Variants in ABCG2 observed in about 807,000 individuals in gnomAD.
ABCG2 encodes ATP binding cassette subfamily G member 2 (JR blood group), also known as broad substrate specificity ATP-binding cassette transporter ABCG2.
In ABCG2, 80 loss-of-function variants were observed where a neutral mutation model predicts 73.5. The ratio of observed to expected loss-of-function variants is 1.09; its 90% CI spans 0.91 to 1.31. The LOEUF (loss-of-function observed/expected upper bound fraction) is 1.31, where lower values mean the gene tolerates loss of function less well. Among genes scored for constraint, ABCG2 ranks in the 50% most tolerant of loss-of-function variants. ABCG2 has a pLI of 0.00. For missense variants in ABCG2, 796 were observed against 786.2 expected, an observed-to-expected ratio of 1.01 and a Z score of -0.15; for synonymous variants, 269 against 282.4, an observed-to-expected ratio of 0.95 and a Z score of 0.48.
At position 88,158,477 on chromosome 4, in the gene ABCG2, G is replaced by A. The variant is rs1201964734; in HGVS notation, c.-111C>T. 10 of 456,086 alleles carry A rather than the reference G, an allele frequency of 2.2e-5. No homozygotes were observed. The East Asian group carries it at 5.6e-4, about 25-fold the overall frequency. The allele number at this position is 456,086 out of a possible 1,614,324, so 28.3% of individuals were successfully genotyped here. ...CGCTTTAACAATTAAGGATGTAAAT[G>A]TTGGGATGAGTCACCCGGACCTTCC... On this transcript the variant is annotated 5_prime_UTR_variant, in exon 1 of 16. Transcript: ENST00000237612.
chr4:88,119,040 C>G (rs1723782450), intron 6 of ABCG2, among the ~76,000 whole-genome samples: 1 of 152,172 alleles, frequency 6.6e-6, no homozygotes, highest in African/African-American at 2.4e-5. Context: ...TCAATTGTAA[C>G]AATCCCCACA....
chr4:88,167,984 G>A (rs575708404), intron 1 of ABCG2, among the ~76,000 whole-genome samples: 19 of 150,432 alleles, frequency 1.3e-4, no homozygotes, highest in African/African-American at 3.4e-4. Context: ...TTGGAGAGAC[G>A]AGAAATGTCA....
chr4:88,121,691 C>T lies in ABCG2; in HGVS notation c.633G>A (p.Glu211=). ...ITDPSILFLD[E]PTTGLDSSTA... ...TGCTTGAGTCTAAGCCAGTTGTAGG[C>T]TCATCCAAGAACAAGATGGAAGGAT... The change falls in exon 6 of 16, where the codon GAG becomes GAA. Residue 211 remains glutamate (E), a synonymous_variant. Transcript: ENST00000237612. The T allele has an allele frequency of 6.2e-7, 1 of 1,614,104 alleles. No homozygotes were observed. Among genetic ancestry groups the T allele is most frequent in the Non-Finnish European group, 8.5e-7 (1 of 1,179,986 alleles).
intron 1 of ABCG2, among the ~76,000 whole-genome samples, chr4:88,190,339 A>C (rs1728637224): frequency 6.6e-6 from 1 of 152,184 alleles, no homozygotes; most frequent in Non-Finnish European, 1.5e-5. Context: ...TGAACTCATC[A>C]GTCCCTAATC....
At chr4:88,194,549 C>CAAAAAAAAAA (rs58945293) in intron 1 of ABCG2, among the ~76,000 whole-genome samples, 9 of 52,592 alleles carry the variant, frequency 1.7e-4, no homozygotes, top group Admixed American at 3.4e-4. Flanking sequence ...GACTCCGTCT[C>CAAAAAAAAAA]AAAAAAAAAA....
intron 5 of ABCG2, among the ~76,000 whole-genome samples, chr4:88,127,184 G>A (rs1724482722): frequency 1.3e-5 from 2 of 152,102 alleles, no homozygotes; most frequent in South Asian, 4.1e-4. Context: ...TTGGTACAAA[G>A]AGAATAAAAT....
rs1313555596 is a variant in ABCG2 at position 88,181,381 on chromosome 4, AGAGC to A, written c.-19-41371_-19-41368del. On this transcript the variant is annotated intron_variant, in intron 1 of 15. Coordinates refer to the ABCG2 transcript ENST00000515655. ...TGCCACTGCACTCCAGCCTGGTGAC[AGAGC>A]AAGACTCCATCTCAAAAAAAAAAAA... Among the ~76,000 whole-genome samples, 4 of 134,740 alleles carry A rather than the reference AGAGC, an allele frequency of 3.0e-5. No individual in the cohort carries two copies. In the South Asian group the frequency reaches 7.7e-4, roughly 26 times the overall value. 88.4% of individuals were successfully genotyped at this position (134,740 alleles called of 152,430 possible).
intron 1 of ABCG2, among the ~76,000 whole-genome samples, chr4:88,180,536 A>C (rs1211384798): frequency 1.3e-5 from 2 of 152,116 alleles, no homozygotes; most frequent in Non-Finnish European, 2.9e-5. Flanking sequence ...GGAGTTCAAG[A>C]CCAGCCTGGA....
At chr4:88,155,143 T>C (rs1340709378) in intron 1 of ABCG2, among the ~76,000 whole-genome samples, 5 of 152,056 alleles carry the variant, frequency 3.3e-5, no homozygotes, top group South Asian at 2.1e-4. Flanking sequence ...TTAGGATCTA[T>C]GGGGTCAGCT....
chr4:88,117,594 G>A (rs903130562), intron 7 of ABCG2, among the ~76,000 whole-genome samples: 21 of 152,100 alleles, frequency 1.4e-4, no homozygotes, highest in African/African-American at 3.6e-4. Context: ...CCAAGATCAC[G>A]TCACTGCACT....
intron 1 of ABCG2, among the ~76,000 whole-genome samples, chr4:88,210,595 C>CTT (rs11461199): frequency 0.42 from 61,677 of 146,154 alleles, 14,214 homozygotes; most frequent in East Asian, 0.67. Flanking sequence ...TTTTTCTTTT[C>CTT]TTTTTTTTTT....
intron 7 of ABCG2, among the ~76,000 whole-genome samples, chr4:88,116,101 A>T (rs561068086): frequency 1.3e-5 from 2 of 152,204 alleles, no homozygotes; most frequent in South Asian, 4.1e-4. Flanking sequence ...AGGCTGAGGC[A>T]CAAGAATTGC....
intron 1 of ABCG2, among the ~76,000 whole-genome samples, chr4:88,211,360 C>CG (rs1729585583): frequency 1.7e-5 from 1 of 58,446 alleles, no homozygotes; most frequent in South Asian, 8.4e-4. Context: ...CAACCCCTGC[C>CG]CCACCCCCCC....
chr4:88,177,698 G>A (rs1162372204), intron 1 of ABCG2, among the ~76,000 whole-genome samples: 1 of 152,154 alleles, frequency 6.6e-6, no homozygotes, highest in African/African-American at 2.4e-5. Context: ...TTGAATTGCG[G>A]ACACCACCCC....
intron 1 of ABCG2, among the ~76,000 whole-genome samples, chr4:88,153,228 G>GT (rs1726660392): frequency 0.019 from 1 of 54 alleles, no homozygotes; most frequent in Non-Finnish European, 0.042. Flanking sequence ...GTAAACAAGA[G>GT]CGGGCATGTA....
chr4:88,131,795 ATACT>A lies in ABCG2; in HGVS notation c.378+4_378+7del, dbSNP rs1162514827. The stretch of plus-strand genomic sequence containing the variant: ...GGAAACAGAAAATGCAAACCCACTA[ATACT>A]TACTTGTACCACGTAACCTGAATTA... On this transcript the variant is annotated splice_donor_5th_base_variant and intron_variant, in intron 4 of 15. Transcript: ENST00000237612. 6 of 1,607,812 alleles carry A rather than the reference ATACT, an allele frequency of 3.7e-6. No individual in the cohort carries two copies. In the East Asian group the frequency reaches 6.7e-5, roughly 18 times the overall value.
intron 1 of ABCG2, among the ~76,000 whole-genome samples, chr4:88,171,165 A>C (rs1304551765): frequency 3.3e-5 from 5 of 151,952 alleles, no homozygotes; most frequent in African/African-American, 1.2e-4. Context: ...TAACTTGGGT[A>C]CTGGGCTTAA....
chr4:88,169,690 G>A (rs1222628862), intron 1 of ABCG2, among the ~76,000 whole-genome samples: 2 of 152,096 alleles, frequency 1.3e-5, no homozygotes, highest in Non-Finnish European at 2.9e-5. Context: ...GATCAATATT[G>A]TAGAAGAAAG....
At chr4:88,182,867 C>T (rs977365865) in intron 1 of ABCG2, among the ~76,000 whole-genome samples, 4 of 151,924 alleles carry the variant, frequency 2.6e-5, no homozygotes, top group South Asian at 2.1e-4. Flanking sequence ...AGGCAGATCA[C>T]GAGGTCAGGA....
Sources: allele counts gnomAD v4.1 joint callset (sites outside exome capture counted in the v4.1 genomes callset), GRCh38; gene constraint gnomAD v4.1.1; transcripts MANE v1.5; gene names NCBI Gene and HGNC (gene_info 2026-07-23, HGNC 2026-07-21).